The following TMEM182 variants were observed in gnomAD, a reference collection of about 807,000 sequenced individuals.
TMEM182 encodes the protein transmembrane protein 182.
In TMEM182, 20 loss-of-function variants were observed where a neutral mutation model predicts 26.8. The observed-to-expected ratio is 0.75, with a 90% CI of 0.53 to 1.09. TMEM182 has a LOEUF of 1.09. Ranked by LOEUF, TMEM182 falls within the 50% of genes least tolerant of loss-of-function variation. The pLI is 0.00. For missense variants in TMEM182, 277 were observed against 275.5 expected, an observed-to-expected ratio of 1.01 and a Z score of -0.04; for synonymous variants, 109 against 102.2, an observed-to-expected ratio of 1.07 and a Z score of -0.40.
rs962003968 is a variant in TMEM182 at position 102,816,736 on chromosome 2, T to C, written c.*1768T>C. On this transcript the variant is annotated 3_prime_UTR_variant, in exon 5 of 5. Coordinates refer to ENST00000412401, the MANE Select transcript of TMEM182 (RefSeq NM_144632.5). ...GCATGTTGACTGTGATATTAAGTTA[T>C]GGCATGCCATTAAGTTTTCCAGACG... The C allele has an allele frequency of 1.0e-6, 1 of 985,728 alleles. No individual in the cohort carries two copies. The highest frequency in any genetic ancestry group is 1.7e-5 in the African/African-American group (1 of 57,256). 61.1% of individuals were successfully genotyped at this position (985,728 alleles called of 1,614,324 possible). A position where few individuals can be genotyped will look rare whatever the true frequency, so the allele number is the denominator to read the frequency against.
intron 3 of TMEM182, among the ~76,000 whole-genome samples, chr2:102,838,759 T>C (rs1683295679): frequency 6.6e-6 from 1 of 152,038 alleles, no homozygotes; most frequent in Non-Finnish European, 1.5e-5. Flanking sequence ...TGTGGTGAAA[T>C]GAATGTAGAA....
chr2:102,791,108 G>C (rs926774311), intron 3 of TMEM182, among the ~76,000 whole-genome samples: 5 of 151,940 alleles, frequency 3.3e-5, no homozygotes, highest in African/African-American at 1.2e-4. Flanking sequence ...GCTAATTTTT[G>C]TATTTTTTAT....
At position 102,816,159 on chromosome 2, in the gene TMEM182, T is replaced by C. The variant is rs1034883029; in HGVS notation, c.*1191T>C. 3 of 985,298 alleles carry C rather than the reference T, an allele frequency of 3.0e-6. No individual in the cohort carries two copies. The African/African-American group carries it at 5.2e-5, about 17-fold the overall frequency. 61.0% of individuals were successfully genotyped at this position (985,298 alleles called of 1,614,324 possible). A position where few individuals can be genotyped will look rare whatever the true frequency, so the allele number is the denominator to read the frequency against. ...GATGTTCATTTGGCACTAATGTTGA[T>C]TGAAATCAAATCCATCTGAGATGCC... On this transcript the variant is annotated 3_prime_UTR_variant, in exon 5 of 5. Transcript: ENST00000412401.
intron 3 of TMEM182, among the ~76,000 whole-genome samples, chr2:102,823,247 G>T (rs1299071003): frequency 2.6e-5 from 4 of 152,136 alleles, no homozygotes; most frequent in Admixed American, 2.6e-4. Flanking sequence ...ATTTCTGATG[G>T]CATTTGGTTT....
chr2:102,826,337 C>T (rs1457081115), intron 3 of TMEM182, among the ~76,000 whole-genome samples: 7 of 141,268 alleles, frequency 5.0e-5, no homozygotes, highest in African/African-American at 1.8e-4. Context: ...AGTTCCCAAT[C>T]GATGTTCATT....
intron 1 of TMEM182, among the ~76,000 whole-genome samples, chr2:102,745,744 C>A (rs1367416728): frequency 6.6e-6 from 1 of 152,130 alleles, no homozygotes; most frequent in Non-Finnish European, 1.5e-5. Context: ...ATAGATATTA[C>A]TTTGTGACTG....
At chr2:102,828,499 A>T (rs1324926894) in intron 3 of TMEM182, among the ~76,000 whole-genome samples, 1 of 152,202 alleles carries the variant, frequency 6.6e-6, no homozygotes, top group African/African-American at 2.4e-5. Context: ...TTTGCAAAAA[A>T]AGTCATTAGG....
rs1218380583 is a variant in TMEM182, at chr2:102,814,846, G to A, written c.568G>A (p.Asp190Asn). 6.2e-7 allele frequency: 1 copy of A among 1,613,862 alleles called. No homozygotes were observed. The highest frequency in any genetic ancestry group is 1.3e-5 in the African/African-American group (1 of 74,982). Residue 190 changes from aspartate to asparagine, a missense_variant, in exon 5 of 5, where the codon GAT (aspartate) becomes AAT (asparagine). Transcript: ENST00000412401. Reference sequence around the variant, plus strand: ...AAACATGAAAATGAAGGACTGCCTGGATTTCACCCCTTCTGTTCTGTATGG... The same window carrying A: ...AAACATGAAAATGAAGGACTGCCTGAATTTCACCCCTTCTGTTCTGTATGG... ...YRNMKMKDCL[D>N]FTPSVLYGWS...
chr2:102,767,046 T>C (rs940903852), intron 3 of TMEM182, among the ~76,000 whole-genome samples: 23 of 152,210 alleles, frequency 1.5e-4, no homozygotes. Flanking sequence ...GAACCAAGTC[T>C]CTGGCTTTTG....
intron 1 of TMEM182, among the ~76,000 whole-genome samples, chr2:102,754,862 T>TA (rs1286588929): frequency 2.6e-5 from 4 of 152,178 alleles, no homozygotes; most frequent in African/African-American, 9.7e-5. Context: ...AACAATTTAA[T>TA]AAAAAGTTAA....
At chr2:102,761,434 G>A (rs1215125498), upstream of TMEM182, among the ~76,000 whole-genome samples, 1 of 152,152 alleles carries the variant, frequency 6.6e-6, no homozygotes, top group African/African-American at 2.4e-5. Context: ...GACTCATGAG[G>A]CTGCTGCAGA....
At chr2:102,781,254 G>A (rs977296923) in intron 3 of TMEM182, among the ~76,000 whole-genome samples, 1 of 152,300 alleles carries the variant, frequency 6.6e-6, no homozygotes, top group African/African-American at 2.4e-5. Flanking sequence ...AAGGGAAAGA[G>A]CAGTCATTAA....
At chr2:102,822,644 GA>G (rs990458295), downstream of TMEM182, among the ~76,000 whole-genome samples, 55 of 152,168 alleles carry the variant, frequency 3.6e-4, no homozygotes, top group Admixed American at 2.0e-3. Flanking sequence ...CAGAACCATG[GA>G]AATGGGTAGA....
At position 102,762,137 on chromosome 2, in the gene TMEM182, TTGCTGTTG is replaced by T; in HGVS notation, c.-79_-72del. On this transcript the variant is annotated 5_prime_UTR_variant, in exon 1 of 5. Coordinates refer to ENST00000412401, the MANE Select transcript of TMEM182 (RefSeq NM_144632.5). Reference sequence around the variant, plus strand: ...AAATATTATTCTTTTTTTTTTTTTTTTGCTGTTGTTTCTGAGAAACTAGGTGTCTTACC... The same window carrying T: ...AAATATTATTCTTTTTTTTTTTTTTTTTTCTGAGAAACTAGGTGTCTTACC... 1 of 1,053,356 alleles carries T rather than the reference TTGCTGTTG, an allele frequency of 9.5e-7. No individual in the cohort carries two copies. 65.3% of individuals were successfully genotyped at this position (1,053,356 alleles called of 1,614,324 possible).
chr2:102,828,789 G>A (rs1287469357), intron 3 of TMEM182, among the ~76,000 whole-genome samples: 1 of 152,186 alleles, frequency 6.6e-6, no homozygotes, highest in East Asian at 1.9e-4. Flanking sequence ...CTGCTGGGAA[G>A]TTTTTGCCCA....
intron 2 of TMEM182, 77 bp downstream of exon 2, chr2:102,762,763 T>TG: frequency 1.7e-6 from 2 of 1,205,278 alleles, no homozygotes; most frequent in Non-Finnish European, 2.4e-6. Context: ...TATATGTCAC[T>TG]TCTAGCGGAC....
intron 4 of TMEM182, among the ~76,000 whole-genome samples, chr2:102,805,048 T>G (rs1682293406): frequency 6.6e-6 from 1 of 152,248 alleles, no homozygotes; most frequent in Admixed American, 6.5e-5. Flanking sequence ...ACGTCCTTGG[T>G]CTGACATTTT....
chr2:102,770,727 C>T (rs541933107), intron 3 of TMEM182, among the ~76,000 whole-genome samples: 4 of 152,142 alleles, frequency 2.6e-5, no homozygotes, highest in Non-Finnish European at 5.9e-5. Flanking sequence ...TTTCAATCAG[C>T]CAACACTGCG....
chr2:102,775,711 G>A (rs948937617), intron 3 of TMEM182, among the ~76,000 whole-genome samples: 3 of 152,116 alleles, frequency 2.0e-5, no homozygotes, highest in Non-Finnish European at 4.4e-5. Context: ...CAAAATCAAT[G>A]TACAAAAATC....
Sources: allele counts gnomAD v4.1 joint callset (sites outside exome capture counted in the v4.1 genomes callset), GRCh38; gene constraint gnomAD v4.1.1; transcripts MANE v1.5; gene names NCBI Gene and HGNC (gene_info 2026-07-23, HGNC 2026-07-21).